METTL16: variants seen among roughly 807,000 people sequenced by gnomAD.
METTL16 encodes methyltransferase 16, RNA N6-adenosine.
Under a neutral mutation model 57.9 loss-of-function variants are expected in METTL16, and 19 were observed. The observed-to-expected ratio is 0.33, with a 90% confidence interval of 0.23 to 0.48. The LOEUF (loss-of-function observed/expected upper bound fraction) is 0.48, where lower values mean the gene tolerates loss of function less well. Among genes scored for constraint, METTL16 ranks in the 20% least tolerant of loss-of-function variants. The probability of loss-of-function intolerance (pLI) is 0.99; values close to 1 mark genes in which losing one functional copy is unlikely to be tolerated. For missense variants in METTL16, 434 were observed against 691.5 expected, an observed-to-expected ratio of 0.63 and a Z score of 4.18; for synonymous variants, 246 against 255.6, an observed-to-expected ratio of 0.96 and a Z score of 0.36.
intron 6 of METTL16, chr17:2,460,253 AG>A (rs964781367): frequency 1.3e-5 from 2 of 152,134 alleles, no homozygotes; most frequent in African/African-American, 4.8e-5. Flanking sequence ...TAAATCCTAA[AG>A]GGCAGTGTTT....
At chr17:2,448,802 T>TAAAAAAAAAAAAAAAAAAAAAAAAAAA (rs71150866) in intron 6 of METTL16, among the ~76,000 whole-genome samples, 1 of 43,644 alleles carries the variant, frequency 2.3e-5, no homozygotes, top group Non-Finnish European at 3.9e-5. Flanking sequence ...AAATAAAATT[T>TAAAAAAAAAAAAAAAAAAAAAAAAAAA]AAAAAAAAAA....
At chr17:2,500,845 C>T (rs183390054) in intron 2 of METTL16, among the ~76,000 whole-genome samples, 2 of 152,238 alleles carry the variant, frequency 1.3e-5, no homozygotes, top group East Asian at 3.9e-4. Context: ...AGGCCGGGCA[C>T]ATGGCTCACA....
At chr17:2,496,900 C>T (rs2067449740) in intron 2 of METTL16, among the ~76,000 whole-genome samples, 1 of 151,754 alleles carries the variant, frequency 6.6e-6, no homozygotes, top group Non-Finnish European at 1.5e-5. Context: ...CAGGGCCTTG[C>T]TCTTGGACTT....
intron 6 of METTL16, among the ~76,000 whole-genome samples, chr17:2,455,841 G>A (rs983007367): frequency 5.3e-5 from 8 of 151,994 alleles, no homozygotes; most frequent in African/African-American, 1.9e-4. Flanking sequence ...AAATTGGCCA[G>A]GCATGGTGTT....
chr17:2,416,022 T>C (rs1305394243), downstream of METTL16: 2 of 152,238 alleles, frequency 1.3e-5, no homozygotes, highest in Admixed American at 6.5e-5. Flanking sequence ...AAAGGGATTA[T>C]ACCAGGTAAA....
intron 6 of METTL16, among the ~76,000 whole-genome samples, chr17:2,457,526 G>A (rs542620025): frequency 2.6e-5 from 4 of 151,764 alleles, no homozygotes; most frequent in South Asian, 2.1e-4. Flanking sequence ...TGGCCAACAC[G>A]CTGAAACCCC....
Position 2,484,322 on chromosome 17 carries a change from A to T in METTL16, c.129-6437T>A, listed in dbSNP as rs563796152. ...TGCCAGAATGTAAACAACACATTAAAAAGTCAATTAAACCAAAGAAATGTG... is the reference window on the plus strand; with the variant it reads ...TGCCAGAATGTAAACAACACATTAATAAGTCAATTAAACCAAAGAAATGTG... On this transcript the variant is annotated intron_variant, in intron 2 of 9. Transcript: ENST00000263092. Among the ~76,000 whole-genome samples, 11 of 152,348 alleles carry T rather than the reference A, an allele frequency of 7.2e-5. No homozygotes were observed. In the East Asian group the frequency reaches 2.1e-3, roughly 29 times the overall value.
chr17:2,440,996 A>AG (rs1567886442), intron 7 of METTL16, among the ~76,000 whole-genome samples: 1 of 143,508 alleles, frequency 7.0e-6, no homozygotes, highest in African/African-American at 2.7e-5. Flanking sequence ...AAAAAAAAAA[A>AG]GAAGAAGAAG....
chr17:2,425,028 T>C (rs2066808210), intron 8 of METTL16, among the ~76,000 whole-genome samples: 1 of 152,086 alleles, frequency 6.6e-6, no homozygotes, highest in Non-Finnish European at 1.5e-5. Flanking sequence ...TTAACTGAAG[T>C]ATGGCTCACA....
intron 6 of METTL16, among the ~76,000 whole-genome samples, chr17:2,448,800 TTTAAAAA>T (rs2067042974): frequency 1.7e-4 from 11 of 64,310 alleles, no homozygotes; most frequent in African/African-American, 7.1e-4. Context: ...AAAAATAAAA[TTTAAAAA>T]AAAAAAAAAA....
intron 5 of METTL16, 78 bp downstream of exon 5, chr17:2,467,683 C>A: frequency 9.1e-7 from 1 of 1,101,000 alleles, no homozygotes; most frequent in Non-Finnish European, 1.4e-6. Context: ...GCCTTGGCCT[C>A]CCAAAGTGCA....
chr17:2,452,415 C>G (rs766768496), intron 6 of METTL16, among the ~76,000 whole-genome samples: 42 of 152,038 alleles, frequency 2.8e-4, no homozygotes, highest in African/African-American at 1.0e-3. Context: ...CCTATTTTAG[C>G]TGCACATTTT....
intron 6 of METTL16, among the ~76,000 whole-genome samples, chr17:2,456,838 G>C (rs997385630): frequency 6.6e-6 from 1 of 151,912 alleles, no homozygotes; most frequent in Non-Finnish European, 1.5e-5. Context: ...GCCCAGGCTG[G>C]AGTACACTGT....
intron 5 of METTL16, among the ~76,000 whole-genome samples, chr17:2,465,546 CAAAAAAAAAAA>C (rs547864019): frequency 3.3e-4 from 8 of 24,496 alleles, no homozygotes; most frequent in East Asian, 1.5e-3. Flanking sequence ...GACTCCATCT[CAAAAAAAAAAA>C]AAAAAAAAAA....
intron 1 of METTL16, among the ~76,000 whole-genome samples, chr17:2,507,394 C>A (rs2067551163): frequency 6.7e-6 from 1 of 149,380 alleles, no homozygotes; most frequent in Non-Finnish European, 1.5e-5. Flanking sequence ...CAGCCCCCAG[C>A]CCGGCCAGCC....
chr17:2,488,995 G>T (rs574849694), intron 2 of METTL16, among the ~76,000 whole-genome samples: 1 of 151,946 alleles, frequency 6.6e-6, no homozygotes, highest in Admixed American at 6.6e-5. Flanking sequence ...CAAAAACACA[G>T]ATCCTGAAAC....
chr17:2,497,869 G>C (rs577018454), intron 2 of METTL16, among the ~76,000 whole-genome samples: 4 of 151,678 alleles, frequency 2.6e-5, no homozygotes, highest in African/African-American at 9.7e-5. Context: ...TGTGACTGCA[G>C]GTATGAGGCA....
chr17:2,477,949 C>T (rs1264281749), intron 2 of METTL16, 64 bp from the exon 3 acceptor site: 11 of 1,425,030 alleles, frequency 7.7e-6, no homozygotes, highest in African/African-American at 7.1e-5. Context: ...ACAAGCTCTA[C>T]GGCAAACAGG....
In METTL16 at chr17:2,419,460, C is replaced by G. The variant is rs533466189; in HGVS notation, c.*510G>C. Reference sequence around the variant, plus strand: ...TAAGGTTTCTCTCCCAGATTCCCCACCACCCACCATACAGCTCCCTTTGTG... The same window carrying G: ...TAAGGTTTCTCTCCCAGATTCCCCAGCACCCACCATACAGCTCCCTTTGTG... On this transcript the variant is annotated 3_prime_UTR_variant, in exon 10 of 10. Transcript: ENST00000263092. 5.9e-6 allele frequency: 2 copies of G among 336,962 alleles called. No individual in the cohort carries two copies. The highest frequency in any genetic ancestry group is 4.5e-5 in the South Asian group (2 of 44,804). 20.9% of individuals were successfully genotyped at this position (336,962 alleles called of 1,614,324 possible).
Sources: gnomAD v4.1 joint callset for allele counts (sites outside exome capture counted in the v4.1 genomes callset) on GRCh38, gnomAD v4.1.1 for gene constraint, MANE v1.5 for transcripts, NCBI Gene and HGNC (gene_info 2026-07-23, HGNC 2026-07-21) for gene names.